The following RYR2 variants were observed in gnomAD, a reference collection of about 807,000 sequenced individuals.
RYR2 encodes the protein cardiac muscle ryanodine receptor-calcium release channel.
Under a neutral mutation model 601.1 loss-of-function variants are expected in RYR2, and 227 were observed. The ratio of observed to expected loss-of-function variants is 0.38; its 90% CI spans 0.34 to 0.42. The LOEUF is 0.42. Ranked by LOEUF, RYR2 falls within the 10% of genes least tolerant of loss-of-function variation. The pLI is 1.00. For missense variants in RYR2, 4,646 were observed against 6,156.5 expected (o/e 0.75, Z 8.21); for synonymous variants, 2,223 against 2,175.1 (o/e 1.02, Z -0.61).
chr1:237,801,802 A>ATGAG, intron 97 of RYR2, 54 bp from the exon 98 acceptor site: 1 of 1,152,322 alleles, frequency 8.7e-7, no homozygotes, highest in Admixed American at 1.8e-5. Flanking sequence ...TCGCAAGCCT[A>ATGAG]TGAGTCTTTG....
Position 237,328,602 on chromosome 1 carries a change from T to TA in RYR2, c.169-2264dup, listed in dbSNP as rs766457905. 7.5e-3 allele frequency among the ~76,000 whole-genome samples: 1,096 copies of TA among 145,354 alleles called. 13 individuals are homozygous for TA. The highest frequency in any genetic ancestry group is 0.023 in the African/African-American group (915 of 39,798). On this transcript the variant is annotated intron_variant, in intron 2 of 104. Coordinates refer to ENST00000366574, the MANE Select transcript of RYR2 (RefSeq NM_001035.3). ...AGAAGCCAGAGAAGGAAATTTTATT[T>TA]AAAAAAAAAAAACAAAACAGAACAA... is the stretch of plus-strand genomic sequence containing the variant.
At chr1:237,240,122 AT>A (rs1685993077) in intron 1 of RYR2, among the ~76,000 whole-genome samples, 1 of 152,198 alleles carries the variant, frequency 6.6e-6, no homozygotes, top group Non-Finnish European at 1.5e-5. Flanking sequence ...GCAAAAAAGT[AT>A]TTGAATTCCA....
At chr1:237,642,657 C>T (rs1486487568) in intron 47 of RYR2, among the ~76,000 whole-genome samples, 1 of 152,182 alleles carries the variant, frequency 6.6e-6, no homozygotes, top group Non-Finnish European at 1.5e-5. Flanking sequence ...GCTTGAGTTT[C>T]ACGCCCTGTA....
At chr1:237,787,325 C>A (rs1657716735) in intron 91 of RYR2, among the ~76,000 whole-genome samples, 1 of 151,988 alleles carries the variant, frequency 6.6e-6, no homozygotes, top group South Asian at 2.1e-4. Flanking sequence ...CGTGGTGGCT[C>A]ACACCTGTAA....
intron 63 of RYR2, among the ~76,000 whole-genome samples, chr1:237,688,201 T>G (rs1686610744): frequency 6.6e-6 from 1 of 152,266 alleles, no homozygotes; most frequent in Admixed American, 6.5e-5. Context: ...CACACTTTCC[T>G]GCATCCGATT....
chr1:237,784,483 A>C lies in RYR2; in HGVS notation c.12771A>C (p.Arg4257=). Reference sequence around the variant, plus strand: ...GGTACAATATCTTGACCCTTATGCGAATGCTCAGTCTGAAGAGCCTGAAGA... The same window carrying C: ...GGTACAATATCTTGACCCTTATGCGCATGCTCAGTCTGAAGAGCCTGAAGA... ...ALRYNILTLM[R]MLSLKSLKKQ... Residue 4257 remains arginine, a synonymous_variant, in exon 90 of 105, where the codon CGA becomes CGC. Coordinates refer to ENST00000366574, the MANE Select transcript of RYR2 (RefSeq NM_001035.3). This position sits in a 1 kb window ranked among gnomAD's most constrained non-coding sequence, Gnocchi z 7.1. The C allele has an allele frequency of 6.2e-7, 1 of 1,613,666 alleles. No homozygotes were observed.
At chr1:237,168,195 C>A (rs1412410559) in intron 1 of RYR2, among the ~76,000 whole-genome samples, 1 of 152,050 alleles carries the variant, frequency 6.6e-6, no homozygotes. Context: ...GAGTGGAGGA[C>A]AAATGTTGGC....
chr1:237,203,262 C>G (rs916821701), intron 1 of RYR2, among the ~76,000 whole-genome samples: 1 of 152,102 alleles, frequency 6.6e-6, no homozygotes, highest in Non-Finnish European at 1.5e-5. Context: ...GGTGTTAATA[C>G]AGGTAGGTTA....
At chr1:237,210,605 A>T (rs1004267711) in intron 1 of RYR2, among the ~76,000 whole-genome samples, 1 of 151,958 alleles carries the variant, frequency 6.6e-6, no homozygotes, top group East Asian at 1.9e-4. Context: ...TGGTCCTATA[A>T]CCCAAGGCCC....
At chr1:237,538,838 A>T (rs77774505) in intron 25 of RYR2, among the ~76,000 whole-genome samples, 1 of 152,312 alleles carries the variant, frequency 6.6e-6, no homozygotes, top group African/African-American at 2.4e-5. Flanking sequence ...TGTTTATGTA[A>T]ATAGTGGGAA....
At chr1:237,313,818 G>A (rs1694814119) in intron 2 of RYR2, among the ~76,000 whole-genome samples, 1 of 151,978 alleles carries the variant, frequency 6.6e-6, no homozygotes, top group Admixed American at 6.6e-5. Flanking sequence ...AACCTTAGAT[G>A]TTTTATAGCA....
chr1:237,246,627 AT>A (rs1686876320), intron 1 of RYR2, among the ~76,000 whole-genome samples: 1 of 152,180 alleles, frequency 6.6e-6, no homozygotes, highest in East Asian at 1.9e-4. Context: ...TTAGAGAGGT[AT>A]ATTCTTCACT....
chr1:237,251,983 A>T (rs1687510319), intron 1 of RYR2, among the ~76,000 whole-genome samples: 1 of 152,066 alleles, frequency 6.6e-6, no homozygotes, highest in Non-Finnish European at 1.5e-5. Flanking sequence ...ATATATCTGG[A>T]TTCTGACCTT....
intron 82 of RYR2, among the ~76,000 whole-genome samples, chr1:237,759,261 A>AT (rs1299686746): frequency 6.6e-6 from 1 of 151,648 alleles, no homozygotes; most frequent in Non-Finnish European, 1.5e-5. Flanking sequence ...TGATTTTTGT[A>AT]TTTTTTAGTA....
chr1:237,687,303 C>A, intron 62 of RYR2, 152 bp from the exon 63 acceptor site: 2 of 612,064 alleles, frequency 3.3e-6, no homozygotes, highest in Non-Finnish European at 5.8e-6. Flanking sequence ...ATTCTTTCTG[C>A]GTGACATCAT....
intron 3 of RYR2, among the ~76,000 whole-genome samples, chr1:237,350,599 AAAAATATAT>A (rs1698721573): frequency 3.2e-5 from 3 of 92,866 alleles, no homozygotes; most frequent in African/African-American, 1.4e-4. Context: ...AAAAAAAAAA[AAAAATATAT>A]ATATATATAT....
At position 237,674,766 on chromosome 1, in the gene RYR2, T is replaced by C. The variant is rs1187351813; in HGVS notation, c.8750T>C (p.Ile2917Thr). The change falls in exon 60 of 105, where the codon ATT (isoleucine) becomes ACT (threonine). Residue 2917 changes from isoleucine to threonine, a missense_variant. Transcript: ENST00000366574. ...FKDLELDTPS[I>T]EKRFAYSFLQ... is the part of the protein sequence containing the mutation. The stretch of plus-strand genomic sequence containing the variant: ...GACCTGGAACTGGACACGCCTTCTA[T>C]TGAGAAACGATTTGCCTATAGTTTC... 3 of 1,612,472 alleles carry C rather than the reference T, an allele frequency of 1.9e-6. No individual in the cohort carries two copies. Among genetic ancestry groups the C allele is most frequent in the Non-Finnish European group, 8.5e-7 (1 of 1,178,726 alleles).
chr1:237,059,015 A>T (rs1018859568), intron 1 of RYR2, among the ~76,000 whole-genome samples: 1 of 152,124 alleles, frequency 6.6e-6, no homozygotes, highest in Non-Finnish European at 1.5e-5. Flanking sequence ...TCTGGCATAC[A>T]TTACAACCAA....
chr1:237,805,522 A>G (rs1164591776), intron 98 of RYR2, among the ~76,000 whole-genome samples: 2 of 137,542 alleles, frequency 1.5e-5, no homozygotes. Context: ...CAGAGCTTGC[A>G]GTGAGCTGAG....
Sources: gnomAD v4.1 joint callset for allele counts (sites outside exome capture counted in the v4.1 genomes callset) on GRCh38, gnomAD v4.1.1 for gene constraint, Gnocchi (gnomAD v3.1) non-coding constraint, MANE v1.5 for transcripts, NCBI Gene and HGNC (gene_info 2026-07-23, HGNC 2026-07-21) for gene names.